The following AMELX variants were observed in gnomAD, a reference collection of about 807,000 sequenced individuals.
AMELX encodes the protein amelogenin, X isoform.
In AMELX, 9 loss-of-function variants were observed where a neutral mutation model predicts 15.8. The observed-to-expected ratio is 0.57, with a 90% CI of 0.34 to 0.99. AMELX has a LOEUF of 0.99. AMELX is among the 50% of genes least tolerant of loss of function. The pLI is 0.02. For missense variants in AMELX, 107 were observed against 156.2 expected, an observed-to-expected ratio of 0.68 and a Z score of 1.68; for synonymous variants, 61 against 58.8, an observed-to-expected ratio of 1.04 and a Z score of -0.17.
intron 5 of AMELX, among the ~76,000 whole-genome samples, 174 bp from the exon 6 acceptor site, chrX:11,300,433 G>A (rs1461086029): frequency 9.0e-6 from 1 of 111,722 alleles, no homozygotes; most frequent in Non-Finnish European, 1.9e-5. Context: ...AGTCCTCATG[G>A]ACACCTAATA....
chrX:11,307,839 T>A, the AMELX span, among the ~76,000 whole-genome samples: 4 of 111,656 alleles, frequency 3.6e-5, no homozygotes, highest in Non-Finnish European at 7.5e-5. Flanking sequence ...TATCCAAAAA[T>A]CTGCAATCAC....
the AMELX span, among the ~76,000 whole-genome samples, chrX:11,309,304 T>C: frequency 9.0e-6 from 1 of 111,095 alleles, no homozygotes; most frequent in Non-Finnish European, 1.9e-5. Flanking sequence ...CGAGCCCCCA[T>C]ACTCCCCACG....
At chrX:11,301,197 T>A (rs2048170902), downstream of AMELX, among the ~76,000 whole-genome samples, 1 of 111,717 alleles carries the variant, frequency 9.0e-6, no homozygotes, top group Non-Finnish European at 1.9e-5. Flanking sequence ...AAAAGATTTT[T>A]AAATGAAATT....
chrX:11,300,255 T>C (rs1295011714), intron 5 of AMELX, among the ~76,000 whole-genome samples: 1 of 112,116 alleles, frequency 8.9e-6, no homozygotes, highest in African/African-American at 3.2e-5. Flanking sequence ...CAGTTTCTTT[T>C]TGTGTAAAAT....
chrX:11,293,862 C>T (rs1393267905), intron 1 of AMELX, among the ~76,000 whole-genome samples: 3 of 111,899 alleles, frequency 2.7e-5, no homozygotes, highest in Middle Eastern at 4.6e-3. Context: ...AAACAAAAAA[C>T]AAATTTAGGA....
In AMELX at chrX:11,298,818, C is replaced by G. The variant is rs763844854; in HGVS notation, c.415C>G (p.Pro139Ala). ...PQPVQPQPHQ[P>A]MQPQPPVHPM... Reference sequence around the variant, plus strand: ...GCCTGTTCAGCCACAGCCTCACCAGCCCATGCAGCCCCAGCCACCTGTGCA... The same window carrying G: ...GCCTGTTCAGCCACAGCCTCACCAGGCCATGCAGCCCCAGCCACCTGTGCA... Residue 139 changes from proline (P) to alanine (A), a missense_variant, in exon 5 of 6, where the codon CCC (proline) becomes GCC (alanine). Pro to Ala is a conservative substitution (Grantham distance 27). Transcript: ENST00000380714. 101 of 1,208,681 alleles carry G rather than the reference C, an allele frequency of 8.4e-5. No individual in the cohort carries two copies. Among genetic ancestry groups the G allele is most frequent in the Non-Finnish European group, 1.1e-4 (98 of 894,889 alleles).
At chrX:11,300,514 T>C in intron 5 of AMELX, 93 bp from the exon 6 acceptor site, 1 of 770,837 alleles carries the variant, frequency 1.3e-6, no homozygotes, top group Non-Finnish European at 2.0e-6. Flanking sequence ...GTACATTGTT[T>C]TGACAAAACT....
chrX:11,298,028 T>A (rs773668995), intron 3 of AMELX: 2 of 977,485 alleles, frequency 2.0e-6, no homozygotes, highest in Non-Finnish European at 2.9e-6. Flanking sequence ...GAAGAATGTG[T>A]GTGATGGATG....
At chrX:11,296,391 C>T (rs1404557107) in intron 2 of AMELX, among the ~76,000 whole-genome samples, 1 of 111,747 alleles carries the variant, frequency 8.9e-6, no homozygotes, top group African/African-American at 3.3e-5. Context: ...TGAGTTTTAT[C>T]AGCAAGTAAA....
the AMELX span, among the ~76,000 whole-genome samples, chrX:11,308,039 A>G: frequency 2.7e-5 from 3 of 112,715 alleles, no homozygotes; most frequent in East Asian, 8.3e-4. Context: ...ATTACTTTAT[A>G]CCTATGGTGG....
intron 3 of AMELX, 83 bp from the exon 4 acceptor site, chrX:11,298,153 A>G (rs1218079634): frequency 8.3e-7 from 1 of 1,207,692 alleles, no homozygotes; most frequent in African/African-American, 1.7e-5. Flanking sequence ...TAGTGAGTCT[A>G]TATTTCCTAC....
the AMELX span, among the ~76,000 whole-genome samples, chrX:11,308,854 G>A: frequency 8.9e-6 from 1 of 112,382 alleles, no homozygotes; most frequent in Non-Finnish European, 1.9e-5. Context: ...AAAAGGAATG[G>A]TGCAGAAGAA....
At chrX:11,299,722 A>G (rs193109828) in intron 5 of AMELX, among the ~76,000 whole-genome samples, 2 of 111,923 alleles carry the variant, frequency 1.8e-5, no homozygotes, top group African/African-American at 6.5e-5. Flanking sequence ...ATCCAACTGT[A>G]ATTCCAATTT....
At chrX:11,303,818 GC>G (rs1265310082), downstream of AMELX, among the ~76,000 whole-genome samples, 1 of 111,465 alleles carries the variant, frequency 9.0e-6, no homozygotes, top group Non-Finnish European at 1.9e-5. Flanking sequence ...TTGCCTATCT[GC>G]TGTGGAAACT....
At chrX:11,308,525 G>A in the AMELX span, among the ~76,000 whole-genome samples, 1 of 111,384 alleles carries the variant, frequency 9.0e-6, no homozygotes, top group Admixed American at 9.5e-5. Flanking sequence ...ATCAGTTATC[G>A]ATGTTATAGA....
chrX:11,294,480 G>A (rs1440437246), intron 1 of AMELX, among the ~76,000 whole-genome samples: 1 of 111,440 alleles, frequency 9.0e-6, no homozygotes, highest in Non-Finnish European at 1.9e-5. Context: ...ATGACTAAGG[G>A]CTGTATAGGC....
chrX:11,305,589 T>C (rs1410990202), downstream of AMELX, among the ~76,000 whole-genome samples: 1 of 111,582 alleles, frequency 9.0e-6, no homozygotes, highest in Non-Finnish European at 1.9e-5. Context: ...TGAAAGTGAT[T>C]GTGTCTACCC....
chrX:11,296,977 G>A lies in AMELX; in HGVS notation c.102+151G>A, dbSNP rs112174012. ...CCACCAGCTTCCCAGTTTAAGCTCT[G>A]ATGGTTGGCCTCAAGCCTGTGTCGT... On this transcript the variant is annotated intron_variant, in intron 3 of 5. Transcript: ENST00000380714. 509 of 840,435 alleles carry A rather than the reference G, an allele frequency of 6.1e-4. 1 individual carries two copies. Among genetic ancestry groups the A allele is most frequent in the Non-Finnish European group, 7.1e-4 (406 of 569,801 alleles). 69.3% of individuals were successfully genotyped at this position (840,435 alleles called of 1,213,427 possible).
At chrX:11,308,610 C>T in the AMELX span, among the ~76,000 whole-genome samples, 3 of 111,340 alleles carry the variant, frequency 2.7e-5, no homozygotes, top group African/African-American at 9.8e-5. Flanking sequence ...TTATATAGTA[C>T]CCAATGATTG....
Sources: allele counts gnomAD v4.1 joint callset (sites outside exome capture counted in the v4.1 genomes callset), GRCh38; gene constraint gnomAD v4.1.1; transcripts MANE v1.5; gene names NCBI Gene and HGNC (gene_info 2026-07-23, HGNC 2026-07-21).